Variants in SCN3A observed in about 807,000 individuals in gnomAD.
SCN3A encodes the protein sodium voltage-gated channel alpha subunit 3.
Under a neutral mutation model 187.6 loss-of-function variants are expected in SCN3A, and 60 were observed. That is an observed-to-expected ratio of 0.32 (90% CI 0.26 to 0.40). SCN3A has a LOEUF of 0.40. SCN3A is among the 10% of genes least tolerant of loss of function. SCN3A has a pLI of 1.00. For synonymous variants in SCN3A, 788 were observed against 829.2 expected (o/e 0.95, Z 0.85); for missense variants, 1,601 against 2,428.2 (o/e 0.66, Z 7.16).
chr2:165,164,867 A>G (rs1405352651), intron 5 of SCN3A, among the ~76,000 whole-genome samples: 5 of 152,172 alleles, frequency 3.3e-5, no homozygotes. Flanking sequence ...TCAAATTCCT[A>G]GTAGCAAGCG....
intron 12 of SCN3A, among the ~76,000 whole-genome samples, chr2:165,145,022 A>C (rs1688235299): frequency 6.6e-6 from 1 of 152,170 alleles, no homozygotes; most frequent in African/African-American, 2.4e-5. Flanking sequence ...CCCTCACTTG[A>C]AATTCATTCA....
At chr2:165,191,066 T>G (rs1053313111) in intron 1 of SCN3A, among the ~76,000 whole-genome samples, 1 of 151,462 alleles carries the variant, frequency 6.6e-6, no homozygotes, top group Non-Finnish European at 1.5e-5. Context: ...CGTTGTTTTT[T>G]TTTTTTTTTT....
In SCN3A at chr2:165,203,967, T is replaced by C. The variant is rs1692476324; in HGVS notation, c.-392A>G. The C allele has an allele frequency of 2.1e-5, 3 of 139,874 alleles. No individual in the cohort carries two copies. The Admixed American group carries it at 2.1e-4, about 10-fold the overall frequency. 8.7% of individuals were successfully genotyped at this position (139,874 alleles called of 1,614,324 possible). A position where few individuals can be genotyped will look rare whatever the true frequency, so the allele number is the denominator to read the frequency against. On this transcript the variant is annotated 5_prime_UTR_variant, in exon 1 of 28. Coordinates refer to ENST00000283254, the MANE Select transcript of SCN3A (RefSeq NM_006922.4). Reference sequence around the variant, plus strand: ...ACAGAGGTTTACAAATTAGTTACAATTTTTTTTCTTTCTTTCTCTGTGGAT... The same window carrying C: ...ACAGAGGTTTACAAATTAGTTACAACTTTTTTTCTTTCTTTCTCTGTGGAT...
At chr2:165,156,950 G>T (rs1041025881) in intron 9 of SCN3A, among the ~76,000 whole-genome samples, 3 of 151,284 alleles carry the variant, frequency 2.0e-5, no homozygotes. Context: ...TCGTTCTGTC[G>T]CCCAAGCTGG....
chr2:165,107,320 A>G (rs1303585195), intron 21 of SCN3A, among the ~76,000 whole-genome samples: 3 of 152,176 alleles, frequency 2.0e-5, no homozygotes, highest in African/African-American at 7.2e-5. Flanking sequence ...TTATTAATTA[A>G]TTAATAATGC....
chr2:165,103,328 A>G (rs992482243), intron 21 of SCN3A, among the ~76,000 whole-genome samples: 1 of 152,198 alleles, frequency 6.6e-6, no homozygotes, highest in African/African-American at 2.4e-5. Flanking sequence ...AAAGATGGCC[A>G]CAGGTAAACA....
chr2:165,089,009 CA>C lies in SCN3A; in HGVS notation c.*1140del, dbSNP rs1269146681. On this transcript the variant is annotated 3_prime_UTR_variant, in exon 28 of 28. Transcript: ENST00000283254. ...TCACCAATATGTGACATTCTTTAAC[CA>C]AGACTTGTGAAGAATGGATTGAGTA... 1.3e-5 allele frequency: 2 copies of C among 152,422 alleles called. No individual in the cohort carries two copies. The highest frequency in any genetic ancestry group is 4.8e-5 in the African/African-American group (2 of 41,400). The allele number at this position is 152,422 out of a possible 1,614,324, so 9.4% of individuals were successfully genotyped here.
chr2:165,140,586 G>T lies in SCN3A; in HGVS notation c.2019+65C>A. 1 of 1,437,434 alleles carries T rather than the reference G, an allele frequency of 7.0e-7. No homozygotes were observed. The highest frequency in any genetic ancestry group is 9.8e-7 in the Non-Finnish European group (1 of 1,020,104). 89.0% of individuals were successfully genotyped at this position (1,437,434 alleles called of 1,614,324 possible). On this transcript the variant is annotated intron_variant, in intron 13 of 27. Transcript: ENST00000283254. The surrounding 1 kb of genome is among the most constrained non-coding windows in gnomAD (Gnocchi z 4.2). ...GCAGGACGGTATGACAGCCTAAACTGTCCAGGCTTTGATTATTTCAAATTG... is the reference window on the plus strand; with the variant it reads ...GCAGGACGGTATGACAGCCTAAACTTTCCAGGCTTTGATTATTTCAAATTG...
intron 1 of SCN3A, among the ~76,000 whole-genome samples, chr2:165,191,304 C>G (rs926677236): frequency 5.9e-5 from 9 of 152,000 alleles, no homozygotes; most frequent in Non-Finnish European, 8.8e-5. Flanking sequence ...CTGTTTTTAC[C>G]TTGCCTGTCA....
rs1003153803 is a variant in SCN3A at position 165,190,496 on chromosome 2, ATATATATATAACTT to A, written c.-247-3763_-247-3750del. Among the ~76,000 whole-genome samples, 246 of 147,802 alleles carry A rather than the reference ATATATATATAACTT, an allele frequency of 1.7e-3. 1 individual carries two copies. Among genetic ancestry groups the A allele is most frequent in the Admixed American group, 2.2e-3 (33 of 14,762 alleles). ...CTTGAGATTCCTATTGCACAAAGATATATATATATAACTTTATATATATAACTTTATATATATAA... is the reference window on the plus strand; with the variant it reads ...CTTGAGATTCCTATTGCACAAAGATATATATATATAACTTTATATATATAA... On this transcript the variant is annotated intron_variant, in intron 1 of 27. Transcript: ENST00000283254.
chr2:165,154,336 C>T (rs1173847514), intron 11 of SCN3A, 116 bp downstream of exon 11: 1 of 1,119,200 alleles, frequency 8.9e-7, no homozygotes, highest in Non-Finnish European at 1.3e-6. Flanking sequence ...TTTCTAATGA[C>T]AATGCCTATA....
At chr2:165,169,751 T>C (rs1487624304) in intron 4 of SCN3A, among the ~76,000 whole-genome samples, 4 of 151,898 alleles carry the variant, frequency 2.6e-5, no homozygotes, top group Non-Finnish European at 5.9e-5. Flanking sequence ...GAACACTGCC[T>C]CAGAAAATCA....
At chr2:165,190,734 AT>A (rs996925453) in intron 1 of SCN3A, among the ~76,000 whole-genome samples, 5 of 150,922 alleles carry the variant, frequency 3.3e-5, no homozygotes, top group African/African-American at 1.2e-4. Context: ...CTTATAAACC[AT>A]TTTTTTCTCA....
chr2:165,143,910 G>C (rs1688169065), intron 12 of SCN3A, among the ~76,000 whole-genome samples: 1 of 152,144 alleles, frequency 6.6e-6, no homozygotes, highest in African/African-American at 2.4e-5. Flanking sequence ...TGGGAACAAG[G>C]AAAGTGAATA....
rs72870760 is a variant in SCN3A at position 165,112,253 on chromosome 2, A to G, written c.3843+632T>C. ...CGTCAGATAGATTCCATAATTGGCA[A>G]TGTTCCTATGACTACTCACCCCAGG... On this transcript the variant is annotated intron_variant, in intron 21 of 27. Transcript: ENST00000283254. Among the ~76,000 whole-genome samples, 831 of 152,338 alleles carry G rather than the reference A, an allele frequency of 5.5e-3. 6 individuals are homozygous for G. The highest frequency in any genetic ancestry group is 8.7e-3 in the Non-Finnish European group (593 of 68,022).
intron 21 of SCN3A, among the ~76,000 whole-genome samples, chr2:165,108,547 T>G (rs980874996): frequency 2.6e-5 from 4 of 152,202 alleles, no homozygotes; most frequent in African/African-American, 9.6e-5. Context: ...AGTTTGTTTT[T>G]CACACATTAG....
intron 5 of SCN3A, among the ~76,000 whole-genome samples, chr2:165,165,052 G>T (rs1390777395): frequency 6.6e-6 from 1 of 152,024 alleles, no homozygotes; most frequent in Non-Finnish European, 1.5e-5. Context: ...ACATAGCTTG[G>T]ATTCATTTAC....
intron 18 of SCN3A, among the ~76,000 whole-genome samples, 154 bp downstream of exon 18, chr2:165,127,477 A>G (rs544140561): frequency 1.3e-5 from 2 of 152,374 alleles, no homozygotes; most frequent in East Asian, 3.9e-4. Flanking sequence ...CCATTTCCCA[A>G]TAAAGAGTAT....
chr2:165,179,737 A>G (rs1690716484), intron 2 of SCN3A: 1 of 152,214 alleles, frequency 6.6e-6, no homozygotes, highest in Non-Finnish European at 1.5e-5. Context: ...AGGCTGAGAA[A>G]TTAAAGAATT....
Sources: allele counts gnomAD v4.1 joint callset (sites outside exome capture counted in the v4.1 genomes callset), GRCh38; gene constraint gnomAD v4.1.1; non-coding constraint Gnocchi (gnomAD v3.1); transcripts MANE v1.5; gene names NCBI Gene and HGNC (gene_info 2026-07-23, HGNC 2026-07-21).